HECW1: variants seen among roughly 807,000 people sequenced by gnomAD.
HECW1 encodes the protein E3 ubiquitin-protein ligase HECW1.
HECW1 carries 61 observed loss-of-function variants against 182.3 expected under a neutral mutation model. That is an observed-to-expected ratio of 0.33 (90% CI 0.27 to 0.41). The LOEUF (loss-of-function observed/expected upper bound fraction) is 0.41, where lower values mean the gene tolerates loss of function less well. HECW1 is among the 10% of genes least tolerant of loss of function. The pLI is 1.00. For synonymous variants in HECW1, 859 were observed against 832.6 expected (o/e 1.03, Z -0.55); for missense variants, 1,739 against 2,108.9 (o/e 0.82, Z 3.44).
intron 17 of HECW1, among the ~76,000 whole-genome samples, chr7:43,486,984 GCTT>G (rs1015444283): frequency 2.0e-5 from 3 of 152,100 alleles, no homozygotes; most frequent in South Asian, 2.1e-4. Context: ...TTTATTGCCC[GCTT>G]CTTATTATAA....
chr7:43,222,985 A>C (rs1797114567), intron 2 of HECW1, among the ~76,000 whole-genome samples: 1 of 152,208 alleles, frequency 6.6e-6, no homozygotes, highest in South Asian at 2.1e-4. Context: ...TGGATGTCTA[A>C]GAAGCATTTC....
At chr7:43,530,702 T>C (rs575524190) in intron 24 of HECW1, among the ~76,000 whole-genome samples, 1 of 152,342 alleles carries the variant, frequency 6.6e-6, no homozygotes, top group Non-Finnish European at 1.5e-5. Context: ...ACATCTCCAC[T>C]TTGATCCTCC....
intron 19 of HECW1, among the ~76,000 whole-genome samples, chr7:43,496,013 G>A (rs370943885): frequency 8.5e-5 from 13 of 152,080 alleles, no homozygotes; most frequent in African/African-American, 3.1e-4. Flanking sequence ...CCCTACATAA[G>A]TGAGTGGAAT....
At chr7:43,443,982 T>C (rs1383169242) in intron 10 of HECW1, among the ~76,000 whole-genome samples, 1 of 152,212 alleles carries the variant, frequency 6.6e-6, no homozygotes, top group Admixed American at 6.5e-5. Context: ...ATGAATTCCC[T>C]TTTTGAATCG....
chr7:43,403,669 G>T (rs2075503829), intron 7 of HECW1, among the ~76,000 whole-genome samples: 1 of 152,080 alleles, frequency 6.6e-6, no homozygotes, highest in East Asian at 1.9e-4. Flanking sequence ...ATAATGGGGT[G>T]ATATATTCTT....
chr7:43,285,083 T>C (rs1421764363), intron 3 of HECW1, among the ~76,000 whole-genome samples: 1 of 151,906 alleles, frequency 6.6e-6, no homozygotes, highest in Admixed American at 6.6e-5. Flanking sequence ...GGGTAAAAAA[T>C]GGACCAGCTC....
chr7:43,159,915 G>A (rs960854012), intron 2 of HECW1, among the ~76,000 whole-genome samples: 1 of 152,112 alleles, frequency 6.6e-6, no homozygotes, highest in Non-Finnish European at 1.5e-5. Flanking sequence ...TCCTGACCTC[G>A]TGATCTGCCC....
intron 5 of HECW1, among the ~76,000 whole-genome samples, chr7:43,326,370 G>C (rs1260808000): frequency 6.6e-6 from 1 of 152,228 alleles, no homozygotes; most frequent in Non-Finnish European, 1.5e-5. Flanking sequence ...TCAGCCAGTG[G>C]CTTCTAAGCC....
rs972044986 is a variant in HECW1, at chr7:43,457,477, T to C, written c.2651+1030T>C. On this transcript the variant is annotated intron_variant, in intron 13 of 29. Coordinates refer to ENST00000395891, the MANE Select transcript of HECW1 (RefSeq NM_015052.5). Reference sequence around the variant, plus strand: ...AAGGAGGAGAAACAATTTAGTCCTATTAAAAACACATGGGGCCGGGTGCAG... The same window carrying C: ...AAGGAGGAGAAACAATTTAGTCCTACTAAAAACACATGGGGCCGGGTGCAG... 3.9e-5 allele frequency among the ~76,000 whole-genome samples: 6 copies of C among 152,182 alleles called. No homozygotes were observed. The East Asian group carries it at 1.2e-3, about 29-fold the overall frequency.
At position 43,468,990 on chromosome 7, in the gene HECW1, G is replaced by A. The variant is rs774693537; in HGVS notation, c.2984G>A (p.Arg995His). Residue 995 changes from arginine (R) to histidine (H), a missense_variant, in exon 16 of 30, where the codon CGC becomes CAC. Arg to His is a conservative substitution (Grantham distance 29). Around this residue, in one of 5 missense-constraint regions of HECW1, gnomAD observed 971 missense variants for 1,029.1 expected, o/e 0.94. Transcript: ENST00000395891. Reference protein sequence around the residue: ...HMILKVRRDARNFERYQHNRD... With the variant: ...HMILKVRRDAHNFERYQHNRD... Reference sequence around the variant, plus strand: ...ATTCTGAAAGTCCGACGGGATGCTCGCAATTTTGAACGCTACCAGCACAAC... The same window carrying A: ...ATTCTGAAAGTCCGACGGGATGCTCACAATTTTGAACGCTACCAGCACAAC... 1.4e-5 allele frequency: 23 copies of A among 1,614,046 alleles called. No homozygotes were observed. In the Admixed American group the frequency reaches 1.8e-4, roughly 13 times the overall value.
intron 17 of HECW1, among the ~76,000 whole-genome samples, chr7:43,488,587 A>G (rs1585065381): frequency 6.6e-6 from 1 of 152,230 alleles, no homozygotes; most frequent in South Asian, 2.1e-4. Context: ...TTGCTGTCAG[A>G]CGTCCCTCGG....
chr7:43,310,694 A>G (rs1469307521), intron 3 of HECW1, among the ~76,000 whole-genome samples: 1 of 152,250 alleles, frequency 6.6e-6, no homozygotes, highest in Non-Finnish European at 1.5e-5. Flanking sequence ...TAACTGAAAG[A>G]GTAGACTATT....
intron 3 of HECW1, among the ~76,000 whole-genome samples, chr7:43,294,368 G>T (rs1477655832): frequency 6.6e-6 from 1 of 152,156 alleles, no homozygotes; most frequent in East Asian, 1.9e-4. Context: ...TGTTCCCATG[G>T]GGGGAGGGGG....
chr7:43,479,850 T>A (rs2078358880), intron 17 of HECW1, 106 bp downstream of exon 17: 1 of 1,363,978 alleles, frequency 7.3e-7, no homozygotes, highest in Non-Finnish European at 1.0e-6. Context: ...TTGCCTGCGC[T>A]GGAAGAGATT....
At chr7:43,511,293 TTC>T (rs1179055558) in intron 24 of HECW1, 1 of 152,236 alleles carries the variant, frequency 6.6e-6, no homozygotes, top group African/African-American at 2.4e-5. Flanking sequence ...GCAGGTAGCT[TTC>T]TGAGCCGACT....
chr7:43,480,179 G>C (rs969485834), intron 17 of HECW1, among the ~76,000 whole-genome samples: 5 of 152,056 alleles, frequency 3.3e-5, no homozygotes, highest in Admixed American at 2.0e-4. Context: ...AGAAACTAGG[G>C]GGAATTAACC....
chr7:43,423,886 A>G (rs1385715592), intron 8 of HECW1, among the ~76,000 whole-genome samples: 1 of 152,218 alleles, frequency 6.6e-6, no homozygotes, highest in East Asian at 1.9e-4. Context: ...ACCAAAAATC[A>G]AAGGTGGGGC....
chr7:43,298,661 C>G (rs1806337048), intron 3 of HECW1, among the ~76,000 whole-genome samples: 1 of 152,190 alleles, frequency 6.6e-6, no homozygotes, highest in Non-Finnish European at 1.5e-5. Flanking sequence ...CTGATGTTTC[C>G]TCTTGGAAAA....
intron 2 of HECW1, among the ~76,000 whole-genome samples, chr7:43,231,586 GT>G: frequency 6.6e-6 from 1 of 152,208 alleles, no homozygotes; most frequent in South Asian, 2.1e-4. Flanking sequence ...ACTTCCCCTG[GT>G]TTTCAATGCT....
Sources: gnomAD v4.1 joint callset for allele counts (sites outside exome capture counted in the v4.1 genomes callset) on GRCh38, gnomAD v4.1.1 for gene constraint, gnomAD v4.1.1 regional missense constraint, MANE v1.5 for transcripts, NCBI Gene and HGNC (gene_info 2026-07-23, HGNC 2026-07-21) for gene names.